The following ZC3H14 variants were observed in gnomAD, a reference collection of about 807,000 sequenced individuals.
The protein encoded by ZC3H14 is zinc finger CCCH-type containing 14, also known as zinc finger CCCH domain-containing protein 14.
Under a neutral mutation model 92.4 loss-of-function variants are expected in ZC3H14, and 31 were observed. That is an observed-to-expected ratio of 0.34 (90% CI 0.25 to 0.45). The LOEUF is 0.45. Ranked by LOEUF, ZC3H14 falls within the 20% of genes least tolerant of loss-of-function variation. The pLI, the probability that ZC3H14 is intolerant of heterozygous loss-of-function variation, is 1.00. For missense variants in ZC3H14, 781 were observed against 897.3 expected (o/e 0.87, Z 1.66); for synonymous variants, 321 against 300.9 (o/e 1.07, Z -0.69).
chr14:88,579,164 A>G (rs771324576), intron 9 of ZC3H14, among the ~76,000 whole-genome samples: 20 of 152,154 alleles, frequency 1.3e-4, no homozygotes, highest in Admixed American at 3.9e-4. Flanking sequence ...TTTCTTCAAA[A>G]CTGTCCTTTA....
intron 16 of ZC3H14, among the ~76,000 whole-genome samples, chr14:88,611,309 T>G (rs554798120): frequency 3.9e-5 from 6 of 151,962 alleles, no homozygotes; most frequent in Non-Finnish European, 8.8e-5. Flanking sequence ...AGAGATGGGG[T>G]CTTGAACTCC....
chr14:88,573,990 C>G (rs981948727), intron 6 of ZC3H14, among the ~76,000 whole-genome samples: 1 of 152,128 alleles, frequency 6.6e-6, no homozygotes, highest in African/African-American at 2.4e-5. Flanking sequence ...TGGCTTGCTC[C>G]TAGAGTTCTT....
In ZC3H14 at chr14:88,619,415, C is replaced by T. The variant is rs1451452546; in HGVS notation, c.*7664C>T. The stretch of plus-strand genomic sequence containing the variant: ...TTTTTTAAATAGAGGCGGGGTCTCA[C>T]TATGGTCCCAAACTCCTGGCCTCAA... On this transcript the variant is annotated 3_prime_UTR_variant, in exon 17 of 17. Transcript: ENST00000251038. 1 of 152,360 alleles carries T rather than the reference C, an allele frequency of 6.6e-6. No individual in the cohort carries two copies. Among genetic ancestry groups the T allele is most frequent in the Non-Finnish European group, 1.5e-5 (1 of 68,190 alleles). 9.4% of individuals were successfully genotyped at this position (152,360 alleles called of 1,614,324 possible).
At chr14:88,594,946 G>C (rs151311450) in intron 9 of ZC3H14, 1 of 1,613,946 alleles carries the variant, frequency 6.2e-7, no homozygotes, top group East Asian at 2.2e-5. Flanking sequence ...AAATGTTAGA[G>C]TGTCCAAGAA....
At chr14:88,586,157 C>T (rs188590168) in intron 9 of ZC3H14, among the ~76,000 whole-genome samples, 1 of 152,290 alleles carries the variant, frequency 6.6e-6, no homozygotes, top group East Asian at 1.9e-4. Flanking sequence ...GACAAAGCGA[C>T]ACTCCTTATC....
Position 88,611,828 on chromosome 14 carries a change from G to A in ZC3H14, c.*77G>A, listed in dbSNP as rs555886906. 5 of 1,591,498 alleles carry A rather than the reference G, an allele frequency of 3.1e-6. No individual in the cohort carries two copies. Among genetic ancestry groups the A allele is most frequent in the Non-Finnish European group, 3.4e-6 (4 of 1,163,034 alleles). ...TGATGAAAGATACTCTACAGAACTT[G>A]TCAAATCTTTGAAACTTGGAATATA... On this transcript the variant is annotated 3_prime_UTR_variant, in exon 17 of 17. Coordinates refer to ENST00000251038, the MANE Select transcript of ZC3H14 (RefSeq NM_024824.5).
chr14:88,618,973 G>T lies in ZC3H14; in HGVS notation c.*7222G>T. ...CTGATCATGTATACTGAGATTGTCT[G>T]GGTTACATGAAATAAGGAAGCTTTA... is the stretch of plus-strand genomic sequence containing the variant. On this transcript the variant is annotated 3_prime_UTR_variant, in exon 17 of 17. Coordinates refer to ENST00000251038, the MANE Select transcript of ZC3H14 (RefSeq NM_024824.5). 1 of 541,084 alleles carries T rather than the reference G, an allele frequency of 1.8e-6. No individual in the cohort carries two copies. Among genetic ancestry groups the T allele is most frequent in the Non-Finnish European group, 3.0e-6 (1 of 334,970 alleles). 33.5% of individuals were successfully genotyped at this position (541,084 alleles called of 1,614,324 possible).
At chr14:88,573,195 A>G (rs1196051385) in intron 6 of ZC3H14, among the ~76,000 whole-genome samples, 188 bp downstream of exon 6, 2 of 151,952 alleles carry the variant, frequency 1.3e-5, no homozygotes, top group Non-Finnish European at 2.9e-5. Context: ...CCTGGCTAAC[A>G]CGGTGAAACC....
In ZC3H14 at chr14:88,616,158, C is replaced by CA. The variant is rs759426775; in HGVS notation, c.*4408dup. 1 of 1,613,884 alleles carries CA rather than the reference C, an allele frequency of 6.2e-7. No individual in the cohort carries two copies. The highest frequency in any genetic ancestry group is 8.5e-7 in the Non-Finnish European group (1 of 1,179,808). On this transcript the variant is annotated 3_prime_UTR_variant, in exon 17 of 17. Transcript: ENST00000251038. ...GTTACTAACCTGCAGTCATCACCTC[C>CA]AGCACTAACAACATGTCGATCACCA...
At chr14:88,588,175 T>TG (rs377725439) in intron 9 of ZC3H14, among the ~76,000 whole-genome samples, 2 of 152,180 alleles carry the variant, frequency 1.3e-5, no homozygotes, top group African/African-American at 4.8e-5. Context: ...ACCTTCCTCC[T>TG]GGAGCCTCTC....
At position 88,616,253 on chromosome 14, in the gene ZC3H14, ATGAC is replaced by A. The variant is rs2087593323; in HGVS notation, c.*4503_*4506del. On this transcript the variant is annotated 3_prime_UTR_variant, in exon 17 of 17. Transcript: ENST00000251038. The stretch of plus-strand genomic sequence containing the variant: ...CCTTTTGTGTTTTGCCTAAAAAACA[ATGAC>A]AGACAAGCTCAGGGCATTTGGTGCA... 1 of 1,613,186 alleles carries A rather than the reference ATGAC, an allele frequency of 6.2e-7. No individual in the cohort carries two copies. Among genetic ancestry groups the A allele is most frequent in the East Asian group, 2.2e-5 (1 of 44,874 alleles).
At chr14:88,563,210 G>T in intron 1 of ZC3H14, 41 bp downstream of exon 1, 1 of 1,588,660 alleles carries the variant, frequency 6.3e-7, no homozygotes. Context: ...CCAGGTCTCG[G>T]CGAGCGGGCG....
intron 2 of ZC3H14, among the ~76,000 whole-genome samples, chr14:88,564,424 T>A (rs762558979): frequency 2.6e-5 from 4 of 152,242 alleles, no homozygotes; most frequent in Non-Finnish European, 4.4e-5. Flanking sequence ...ACAAGGAAAC[T>A]GAGGCTTTGC....
chr14:88,563,508 C>A (rs2079149688), intron 1 of ZC3H14, 143 bp from the exon 2 acceptor site: 1 of 1,535,760 alleles, frequency 6.5e-7, no homozygotes, highest in Non-Finnish European at 8.8e-7. Context: ...GGGTGGGGGG[C>A]GGTGCAGGCG....
chr14:88,563,466 C>CGGGGCT (rs987257313), intron 1 of ZC3H14, 185 bp from the exon 2 acceptor site: 147 of 1,441,958 alleles, frequency 1.0e-4, no homozygotes, highest in Non-Finnish European at 1.3e-4. Context: ...GTGGGCGCCG[C>CGGGGCT]GGGGCTGGGG....
Position 88,563,475 on chromosome 14 carries a change from G to GGCTGGA in ZC3H14, c.37-168_37-163dup, listed in dbSNP as rs1379756847. ...CGGGAGGTGGGCGCCGCGGGGCTGG[G>GGCTGGA]GCTGGAGCTGGAGTGGGGTGCGGGG... On this transcript the variant is annotated intron_variant, in intron 1 of 16. Transcript: ENST00000251038. 142 of 1,483,590 alleles carry GGCTGGA rather than the reference G, an allele frequency of 9.6e-5. 1 individual carries two copies. In the South Asian group the frequency reaches 1.2e-3, roughly 12 times the overall value. The allele number at this position is 1,483,590 out of a possible 1,614,324, so 91.9% of individuals were successfully genotyped here.
At chr14:88,569,449 C>G (rs1315420650) in intron 3 of ZC3H14, among the ~76,000 whole-genome samples, 1 of 152,044 alleles carries the variant, frequency 6.6e-6, no homozygotes, top group Non-Finnish European at 1.5e-5. Flanking sequence ...ACATAAATTA[C>G]TGTTATATGC....
Position 88,618,145 on chromosome 14 carries a change from G to T in ZC3H14, c.*6394G>T. ...GAAACTCAATTACTATTCCTTATTG[G>T]AATGGCTCTAACAGTTCAGAAATAG... On this transcript the variant is annotated 3_prime_UTR_variant, in exon 17 of 17. Coordinates refer to ENST00000251038, the MANE Select transcript of ZC3H14 (RefSeq NM_024824.5). 8.9e-7 allele frequency: 1 copy of T among 1,117,604 alleles called. No individual in the cohort carries two copies. Among genetic ancestry groups the T allele is most frequent in the Non-Finnish European group, 1.3e-6 (1 of 768,224 alleles). The allele number at this position is 1,117,604 out of a possible 1,614,324, so 69.2% of individuals were successfully genotyped here. A position where few individuals can be genotyped will look rare whatever the true frequency, so the allele number is the denominator to read the frequency against.
At chr14:88,578,326 G>T (rs544260404) in intron 9 of ZC3H14, among the ~76,000 whole-genome samples, 186 bp downstream of exon 9, 1 of 152,128 alleles carries the variant, frequency 6.6e-6, no homozygotes, top group South Asian at 2.1e-4. Flanking sequence ...TTTTTTTAAA[G>T]AGGTAGGGTC....
Sources: allele counts gnomAD v4.1 joint callset (sites outside exome capture counted in the v4.1 genomes callset), GRCh38; gene constraint gnomAD v4.1.1; transcripts MANE v1.5; gene names NCBI Gene and HGNC (gene_info 2026-07-23, HGNC 2026-07-21).